Variants in VSTM4 observed in about 807,000 individuals in gnomAD.
VSTM4 encodes the protein V-set and transmembrane domain-containing protein 4.
Under a neutral mutation model 36.4 loss-of-function variants are expected in VSTM4, and 20 were observed. The observed-to-expected ratio is 0.55, with a 90% CI of 0.39 to 0.80. The LOEUF (loss-of-function observed/expected upper bound fraction) is 0.80. Ranked by LOEUF, VSTM4 falls within the 30% of genes least tolerant of loss-of-function variation. VSTM4 has a pLI of 0.00. For missense variants in VSTM4, 392 were observed against 404.5 expected (o/e 0.97, Z 0.26); for synonymous variants, 182 against 173.9 (o/e 1.05, Z -0.37).
intron 4 of VSTM4, among the ~76,000 whole-genome samples, chr10:49,069,402 A>G (rs535795739): frequency 6.6e-6 from 1 of 152,238 alleles, no homozygotes; most frequent in Non-Finnish European, 1.5e-5. Context: ...AAGGGGTCAC[A>G]GTACTTCATG....
At chr10:49,114,339 C>T (rs1230369906) in intron 1 of VSTM4, among the ~76,000 whole-genome samples, 2 of 152,330 alleles carry the variant, frequency 1.3e-5, no homozygotes, top group South Asian at 2.1e-4. Flanking sequence ...GTAGCCAGAT[C>T]ACTCTTGGAA....
intron 1 of VSTM4, among the ~76,000 whole-genome samples, chr10:49,112,454 G>C (rs1289522876): frequency 2.6e-5 from 4 of 152,252 alleles, no homozygotes; most frequent in Non-Finnish European, 5.9e-5. Context: ...TTAGGTGTGA[G>C]CCTCCTGGAG....
In VSTM4 at chr10:49,103,856, G is replaced by C. The variant is rs77740087; in HGVS notation, c.457+3738C>G. 12 of 1,613,636 alleles carry C rather than the reference G, an allele frequency of 7.4e-6. No individual in the cohort carries two copies. The African/African-American group carries it at 1.5e-4, about 20-fold the overall frequency. ...CTCCCCTCTCCACTGGATGGCTGGA[G>C]ACTCCTGTTGAAAGGAGGGAGGTGA... On this transcript the variant is annotated intron_variant, in intron 2 of 7. Transcript: ENST00000332853.
intron 7 of VSTM4, among the ~76,000 whole-genome samples, chr10:49,030,649 G>A (rs992472276): frequency 1.3e-5 from 2 of 152,178 alleles, no homozygotes; most frequent in Non-Finnish European, 2.9e-5. Context: ...GAGCAAATTC[G>A]CCTCAGGTCC....
intron 7 of VSTM4, among the ~76,000 whole-genome samples, chr10:49,042,867 A>G (rs1843542494): frequency 6.6e-6 from 1 of 152,172 alleles, no homozygotes; most frequent in Admixed American, 6.5e-5. Flanking sequence ...TGTTTTATAT[A>G]GGCTATCAGG....
At chr10:49,074,727 T>G (rs11597087) in intron 4 of VSTM4, among the ~76,000 whole-genome samples, 21,987 of 152,224 alleles carry the variant, frequency 0.14, 2,045 homozygotes, top group Non-Finnish European at 0.21. Context: ...AGAGCTGTCT[T>G]GGAAGAGCCT....
chr10:49,104,736 G>A (rs1221849367), intron 2 of VSTM4, among the ~76,000 whole-genome samples: 2 of 152,202 alleles, frequency 1.3e-5, no homozygotes, highest in African/African-American at 4.8e-5. Context: ...GGTCAGAGGG[G>A]AGTGGGCGAG....
intron 7 of VSTM4, among the ~76,000 whole-genome samples, chr10:49,024,170 C>T (rs1044366233): frequency 2.6e-5 from 4 of 151,938 alleles, no homozygotes; most frequent in African/African-American, 7.3e-5. Context: ...TGGTCAGATT[C>T]TCTTTCTATT....
At chr10:49,096,622 C>CGT (rs57143308) in intron 2 of VSTM4, among the ~76,000 whole-genome samples, 32,779 of 122,262 alleles carry the variant, frequency 0.27, 4,463 homozygotes, top group Non-Finnish European at 0.31. Context: ...CATTGAAGAC[C>CGT]GTGTGTGTGT....
chr10:49,065,319 G>C (rs1397656216), intron 4 of VSTM4, among the ~76,000 whole-genome samples: 1 of 152,150 alleles, frequency 6.6e-6, no homozygotes, highest in Non-Finnish European at 1.5e-5. Context: ...ACTTCAAATA[G>C]AGGTAAAGCT....
chr10:49,067,718 T>C lies in VSTM4; in HGVS notation c.635-2982A>G, dbSNP rs556261166. Reference sequence around the variant, plus strand: ...GTGTGAGATAATAAATTTCTGTTGTTAAAGCCATGCAGTATGTGGTACTTT... The same window carrying C: ...GTGTGAGATAATAAATTTCTGTTGTCAAAGCCATGCAGTATGTGGTACTTT... On this transcript the variant is annotated intron_variant, in intron 4 of 7. Coordinates refer to ENST00000332853, the MANE Select transcript of VSTM4 (RefSeq NM_001031746.5). 9.9e-5 allele frequency among the ~76,000 whole-genome samples: 15 copies of C among 152,276 alleles called. 1 individual carries two copies. The South Asian group carries it at 3.1e-3, about 32-fold the overall frequency.
chr10:49,106,888 C>G (rs954884392), intron 2 of VSTM4, among the ~76,000 whole-genome samples: 2 of 152,218 alleles, frequency 1.3e-5, no homozygotes, highest in East Asian at 3.9e-4. Context: ...CCTATGCCTA[C>G]GATGACCTCC....
At chr10:49,024,351 T>C (rs954277313) in intron 7 of VSTM4, among the ~76,000 whole-genome samples, 1 of 152,146 alleles carries the variant, frequency 6.6e-6, no homozygotes, top group South Asian at 2.1e-4. Flanking sequence ...GAGGATTCTA[T>C]GAGCAAGGGG....
Position 49,019,607 on chromosome 10 carries a change from T to C in VSTM4, c.*43A>G, listed in dbSNP as rs1472862832. ...TTGTCTCCAAGGCTTCATAAATCACTGGGTGGCAGGTATTAAATAGAACCT... is the reference window on the plus strand; with the variant it reads ...TTGTCTCCAAGGCTTCATAAATCACCGGGTGGCAGGTATTAAATAGAACCT... On this transcript the variant is annotated 3_prime_UTR_variant, in exon 8 of 8. Coordinates refer to ENST00000332853, the MANE Select transcript of VSTM4 (RefSeq NM_001031746.5). 3.9e-6 allele frequency: 6 copies of C among 1,556,098 alleles called. No homozygotes were observed. Among genetic ancestry groups the C allele is most frequent in the South Asian group, 1.2e-5 (1 of 82,738 alleles).
At chr10:49,060,820 C>A (rs530070108) in intron 5 of VSTM4, among the ~76,000 whole-genome samples, 3 of 152,220 alleles carry the variant, frequency 2.0e-5, no homozygotes, top group African/African-American at 4.8e-5. Context: ...GGTCTAAGAT[C>A]TATTTTTAGT....
At chr10:49,104,195 A>G (rs1844722178) in intron 2 of VSTM4, among the ~76,000 whole-genome samples, 1 of 152,146 alleles carries the variant, frequency 6.6e-6, no homozygotes. Flanking sequence ...GCTACTCAGG[A>G]GACTGAGACA....
At chr10:49,084,155 C>T (rs1844329242) in intron 3 of VSTM4, among the ~76,000 whole-genome samples, 1 of 152,222 alleles carries the variant, frequency 6.6e-6, no homozygotes, top group Non-Finnish European at 1.5e-5. Context: ...CTTACTACTG[C>T]TTCACTCTAT....
At chr10:49,042,630 C>T (rs772365213) in intron 7 of VSTM4, among the ~76,000 whole-genome samples, 1 of 152,222 alleles carries the variant, frequency 6.6e-6, no homozygotes, top group South Asian at 2.1e-4. Context: ...TTTACTGACT[C>T]TCAGAGGCTC....
intron 2 of VSTM4, among the ~76,000 whole-genome samples, chr10:49,092,678 G>A (rs1259585230): frequency 6.6e-6 from 1 of 152,118 alleles, no homozygotes; most frequent in Non-Finnish European, 1.5e-5. Context: ...GGCATTTCCT[G>A]CCCAAATATT....
Sources: gnomAD v4.1 joint callset for allele counts (sites outside exome capture counted in the v4.1 genomes callset) on GRCh38, gnomAD v4.1.1 for gene constraint, MANE v1.5 for transcripts, NCBI Gene and HGNC (gene_info 2026-07-23, HGNC 2026-07-21) for gene names.